The following EYS variants were observed in gnomAD, a reference collection of about 807,000 sequenced individuals.
EYS encodes the protein protein eyes shut homolog.
Under a neutral mutation model 282.1 loss-of-function variants are expected in EYS, and 250 were observed. The ratio of observed to expected loss-of-function variants is 0.89; its 90% CI spans 0.80 to 0.98. The LOEUF is 0.98. EYS is among the 50% of genes least tolerant of loss of function. EYS has a pLI of 0.00. For missense variants in EYS, 4,016 were observed against 3,709.0 expected, an observed-to-expected ratio of 1.08 and a Z score of -2.15; for synonymous variants, 1,355 against 1,282.9, an observed-to-expected ratio of 1.06 and a Z score of -1.20.
rs112658903 is a variant in EYS at position 65,547,716 on chromosome 6, T to C, written c.-332-51723A>G. 5.4e-3 allele frequency among the ~76,000 whole-genome samples: 823 copies of C among 152,306 alleles called. 8 individuals carry two copies. The highest frequency in any genetic ancestry group is 0.019 in the African/African-American group (791 of 41,562). ...AACTTTTTACTTTGAAAATTGTCTGTATCTTTTGGAATTTTGTTGTTGTTA... is the reference window on the plus strand; with the variant it reads ...AACTTTTTACTTTGAAAATTGTCTGCATCTTTTGGAATTTTGTTGTTGTTA... On this transcript the variant is annotated intron_variant, in intron 2 of 42. Coordinates refer to ENST00000503581, the MANE Select transcript of EYS (RefSeq NM_001142800.2).
At chr6:64,470,634 G>T (rs184265684) in intron 26 of EYS, among the ~76,000 whole-genome samples, 2 of 152,192 alleles carry the variant, frequency 1.3e-5, no homozygotes, top group East Asian at 1.9e-4. Context: ...TTTTAAGAAA[G>T]CTTACAAATT....
At chr6:65,061,446 C>T (rs2150159674) in intron 12 of EYS, among the ~76,000 whole-genome samples, 1 of 151,952 alleles carries the variant, frequency 6.6e-6, no homozygotes, top group East Asian at 1.9e-4. Flanking sequence ...AAAGATTTCC[C>T]ATATACTCAC....
At chr6:64,710,843 G>A (rs961784118) in intron 22 of EYS, among the ~76,000 whole-genome samples, 1 of 152,198 alleles carries the variant, frequency 6.6e-6, no homozygotes. Flanking sequence ...CAGGAGGTTG[G>A]AGATAGTTTG....
chr6:64,169,831 A>T (rs530948679), intron 31 of EYS, among the ~76,000 whole-genome samples: 1 of 152,202 alleles, frequency 6.6e-6, no homozygotes, highest in Non-Finnish European at 1.5e-5. Flanking sequence ...TGGGGGTGCA[A>T]ATGGAAGGTA....
intron 2 of EYS, among the ~76,000 whole-genome samples, chr6:65,581,278 A>G (rs1764859166): frequency 6.6e-6 from 1 of 152,114 alleles, no homozygotes; most frequent in Admixed American, 6.6e-5. Context: ...GAATTTTACA[A>G]ATATATGATT....
chr6:64,134,246 A>G (rs1418103983), intron 31 of EYS, among the ~76,000 whole-genome samples: 1 of 152,032 alleles, frequency 6.6e-6, no homozygotes, highest in Non-Finnish European at 1.5e-5. Flanking sequence ...CTATTTTTAT[A>G]ATAATATAGA....
intron 35 of EYS, among the ~76,000 whole-genome samples, chr6:63,975,530 T>C (rs142523809): frequency 7.7e-4 from 117 of 152,196 alleles, no homozygotes; most frequent in African/African-American, 2.6e-3. Flanking sequence ...AAAACAGGCC[T>C]GTTTCTCCTT....
chr6:64,713,602 G>A (rs1429613344), intron 22 of EYS, among the ~76,000 whole-genome samples: 1 of 151,988 alleles, frequency 6.6e-6, no homozygotes, highest in Non-Finnish European at 1.5e-5. Flanking sequence ...GGAGTATAGG[G>A]GACTTAGAAA....
intron 19 of EYS, among the ~76,000 whole-genome samples, chr6:64,869,144 C>T (rs1211248916): frequency 1.3e-5 from 2 of 151,450 alleles, no homozygotes; most frequent in Admixed American, 6.6e-5. Flanking sequence ...ATCTACTTAT[C>T]ACTCAGATAC....
At chr6:64,455,222 A>G (rs940203297) in intron 26 of EYS, among the ~76,000 whole-genome samples, 1 of 152,004 alleles carries the variant, frequency 6.6e-6, no homozygotes, top group South Asian at 2.1e-4. Flanking sequence ...AAACACGTTT[A>G]TTTTTAATAA....
intron 12 of EYS, among the ~76,000 whole-genome samples, chr6:65,173,524 G>A (rs2150228803): frequency 6.6e-6 from 1 of 151,192 alleles, no homozygotes; most frequent in Middle Eastern, 3.4e-3. Flanking sequence ...TGTAACCTTT[G>A]AAGTACAACT....
intron 13 of EYS, among the ~76,000 whole-genome samples, chr6:65,006,147 G>A (rs546110681): frequency 8.6e-5 from 13 of 151,856 alleles, no homozygotes; most frequent in South Asian, 2.1e-4. Flanking sequence ...CGTGGGACCC[G>A]TTCCCCACCA....
At chr6:64,230,928 A>C in intron 30 of EYS, 104 bp from the exon 31 acceptor site, 1 of 627,694 alleles carries the variant, frequency 1.6e-6, no homozygotes, top group East Asian at 2.8e-5. Context: ...AAATGAAACC[A>C]ATACTGATCA....
At chr6:65,369,802 A>G (rs993783845) in intron 8 of EYS, among the ~76,000 whole-genome samples, 2 of 151,614 alleles carry the variant, frequency 1.3e-5, no homozygotes, top group Non-Finnish European at 2.9e-5. Context: ...GTCTTTAGAC[A>G]TTGCCACATA....
chr6:64,770,909 GAATA>G (rs1390634193), intron 22 of EYS, among the ~76,000 whole-genome samples: 1 of 151,624 alleles, frequency 6.6e-6, no homozygotes, highest in African/African-American at 2.4e-5. Flanking sequence ...TAATTATGAG[GAATA>G]AATACTTTTT....
chr6:65,342,193 CAT>C (rs763769644), intron 10 of EYS, among the ~76,000 whole-genome samples: 2 of 150,748 alleles, frequency 1.3e-5, no homozygotes, highest in African/African-American at 2.4e-5. Context: ...AAAAAGGACT[CAT>C]GTAATTTTTA....
At chr6:65,118,440 A>T (rs1272002243) in intron 12 of EYS, among the ~76,000 whole-genome samples, 1 of 152,210 alleles carries the variant, frequency 6.6e-6, no homozygotes, top group Non-Finnish European at 1.5e-5. Flanking sequence ...GGTCTTGTTA[A>T]TGAGACAAGA....
At position 65,234,029 on chromosome 6, in the gene EYS, C is replaced by T. The variant is rs140118409; in HGVS notation, c.2023+61834G>A. ...CCTGATTCTATCACATTTCCGGCTGCTCTGTTGTTCTGTGTATATTATGGG... is the reference window on the plus strand; with the variant it reads ...CCTGATTCTATCACATTTCCGGCTGTTCTGTTGTTCTGTGTATATTATGGG... On this transcript the variant is annotated intron_variant, in intron 12 of 42. Transcript: ENST00000503581. 2.3e-3 allele frequency among the ~76,000 whole-genome samples: 349 copies of T among 152,224 alleles called. 1 individual carries two copies. Among genetic ancestry groups the T allele is most frequent in the Non-Finnish European group, 3.9e-3 (263 of 68,012 alleles).
At chr6:65,688,863 G>T (rs540872084) in intron 1 of EYS, among the ~76,000 whole-genome samples, 4 of 151,904 alleles carry the variant, frequency 2.6e-5, no homozygotes, top group African/African-American at 9.6e-5. Flanking sequence ...TCATTAAAAA[G>T]TCAGGAAACA....
Sources: allele counts gnomAD v4.1 joint callset (sites outside exome capture counted in the v4.1 genomes callset), GRCh38; gene constraint gnomAD v4.1.1; transcripts MANE v1.5; gene names NCBI Gene and HGNC (gene_info 2026-07-23, HGNC 2026-07-21).